LUZP2: variants seen among roughly 807,000 people sequenced by gnomAD.
The protein encoded by LUZP2 is leucine zipper protein 2.
A neutral mutation model predicts 51.6 loss-of-function variants in LUZP2; 52 were observed. The observed-to-expected ratio is 1.01, with a 90% confidence interval of 0.81 to 1.27. The LOEUF (loss-of-function observed/expected upper bound fraction) is 1.27. LUZP2 is among the 50% of genes most tolerant of loss of function. LUZP2 has a pLI of 0.00. For synonymous variants in LUZP2, 154 were observed against 137.3 expected (o/e 1.12, Z -0.85); for missense variants, 436 against 395.4 (o/e 1.10, Z -0.87).
At chr11:24,601,980 A>ATATATG (rs1853674779) in intron 1 of LUZP2, among the ~76,000 whole-genome samples, 3 of 64,702 alleles carry the variant, frequency 4.6e-5, no homozygotes, top group African/African-American at 1.6e-4. Flanking sequence ...GTGTATATGT[A>ATATATG]TATATATGTG....
intron 4 of LUZP2, among the ~76,000 whole-genome samples, chr11:24,757,169 A>C (rs1055957712): frequency 6.6e-6 from 1 of 152,172 alleles, no homozygotes; most frequent in South Asian, 2.1e-4. Context: ...ATTTTAAACT[A>C]TTAGTATATA....
chr11:24,830,985 C>T (rs1422772572), intron 5 of LUZP2, among the ~76,000 whole-genome samples: 3 of 149,742 alleles, frequency 2.0e-5, no homozygotes, highest in Non-Finnish European at 4.4e-5. Flanking sequence ...CAGAGAGAGA[C>T]TCCCTCTCAA....
At chr11:24,864,025 G>A (rs768426696) in intron 5 of LUZP2, among the ~76,000 whole-genome samples, 1 of 152,116 alleles carries the variant, frequency 6.6e-6, no homozygotes. Flanking sequence ...GGGTAACTTA[G>A]AGGGTGCTGA....
intron 1 of LUZP2, among the ~76,000 whole-genome samples, chr11:24,619,005 ATTATTTAT>A (rs66554611): frequency 0.026 from 3,813 of 144,000 alleles, 58 homozygotes; most frequent in South Asian, 0.038. Flanking sequence ...ACCACTTAGC[ATTATTTAT>A]TTATTTATTT....
chr11:24,779,905 G>A (rs1349308259), intron 5 of LUZP2, among the ~76,000 whole-genome samples: 1 of 152,068 alleles, frequency 6.6e-6, no homozygotes, highest in Non-Finnish European at 1.5e-5. Flanking sequence ...TTGATAATGG[G>A]AGGGATGTGA....
In LUZP2 at chr11:25,079,824, A is replaced by G. The variant is rs1475970915; in HGVS notation, c.*1166A>G. The G allele has an allele frequency of 6.6e-6, 1 of 152,194 alleles. No individual in the cohort carries two copies. Among genetic ancestry groups the G allele is most frequent in the Non-Finnish European group, 1.5e-5 (1 of 68,022 alleles). 9.4% of individuals were successfully genotyped at this position (152,194 alleles called of 1,614,324 possible). ...GAACCTTTTTGCAACCGTAGAAAGC[A>G]TATTAAACCATTGGTTTTGCAGGAT... On this transcript the variant is annotated 3_prime_UTR_variant, in exon 12 of 12. Transcript: ENST00000336930.
At chr11:24,847,229 T>C (rs1851229206) in intron 5 of LUZP2, among the ~76,000 whole-genome samples, 1 of 151,358 alleles carries the variant, frequency 6.6e-6, no homozygotes, top group South Asian at 2.1e-4. Flanking sequence ...AGGTCCCATT[T>C]ACAGTTCACT....
At chr11:24,800,465 A>G (rs1283618265) in intron 5 of LUZP2, among the ~76,000 whole-genome samples, 5 of 151,688 alleles carry the variant, frequency 3.3e-5, no homozygotes, top group Admixed American at 3.3e-4. Context: ...TGAATTCCCT[A>G]TATAAGCATG....
intron 5 of LUZP2, among the ~76,000 whole-genome samples, chr11:24,842,672 C>T (rs1388958560): frequency 6.6e-6 from 1 of 151,846 alleles, no homozygotes; most frequent in East Asian, 1.9e-4. Flanking sequence ...TTCTAAATTA[C>T]TCTTTGGTCA....
intron 1 of LUZP2, among the ~76,000 whole-genome samples, chr11:24,589,647 G>C (rs765286573): frequency 7.2e-5 from 11 of 152,090 alleles, no homozygotes; most frequent in African/African-American, 1.2e-4. Context: ...TTTTTTTAAG[G>C]AATTCTTTGA....
At chr11:24,532,122 CT>C (rs1485962143) in intron 1 of LUZP2, among the ~76,000 whole-genome samples, 1 of 150,652 alleles carries the variant, frequency 6.6e-6, no homozygotes. Flanking sequence ...TATTTTGCCA[CT>C]TTTTTAAATT....
chr11:24,523,150 T>C (rs940157798), intron 1 of LUZP2, among the ~76,000 whole-genome samples: 3 of 152,058 alleles, frequency 2.0e-5, no homozygotes, highest in African/African-American at 7.2e-5. Context: ...TTCTGGAATG[T>C]GCTTTTATTA....
intron 5 of LUZP2, among the ~76,000 whole-genome samples, chr11:24,861,732 C>T (rs965004757): frequency 3.9e-5 from 6 of 152,206 alleles, no homozygotes; most frequent in Non-Finnish European, 8.8e-5. Context: ...AAGCCTGGAG[C>T]AAACACAGTT....
At chr11:24,896,339 G>C in intron 5 of LUZP2, among the ~76,000 whole-genome samples, 1 of 152,274 alleles carries the variant, frequency 6.6e-6, no homozygotes, top group East Asian at 1.9e-4. Context: ...GGGCCACAGT[G>C]AGTTCTGGGT....
At chr11:24,702,004 G>T (rs1439543428) in intron 1 of LUZP2, among the ~76,000 whole-genome samples, 1 of 152,110 alleles carries the variant, frequency 6.6e-6, no homozygotes, top group African/African-American at 2.4e-5. Context: ...CTTGACCATG[G>T]CTCTCCCAGT....
intron 9 of LUZP2, among the ~76,000 whole-genome samples, chr11:25,047,955 A>T (rs1858369227): frequency 2.1e-5 from 3 of 139,878 alleles, no homozygotes; most frequent in African/African-American, 7.9e-5. Context: ...ATTAGCTAGG[A>T]TTATAGGTGT....
chr11:24,996,842 C>G (rs1856517491), intron 9 of LUZP2, among the ~76,000 whole-genome samples: 1 of 151,798 alleles, frequency 6.6e-6, no homozygotes, highest in Non-Finnish European at 1.5e-5. Flanking sequence ...TTGTTTAATT[C>G]CCATCTATCA....
intron 5 of LUZP2, among the ~76,000 whole-genome samples, chr11:24,900,477 G>A (rs1257338119): frequency 6.6e-6 from 1 of 152,132 alleles, no homozygotes; most frequent in Non-Finnish European, 1.5e-5. Context: ...AAAGACATAA[G>A]GGAACATCCC....
intron 1 of LUZP2, among the ~76,000 whole-genome samples, chr11:24,623,864 T>C (rs1854588794): frequency 6.6e-6 from 1 of 152,048 alleles, no homozygotes; most frequent in African/African-American, 2.4e-5. Context: ...AAAGAAAATG[T>C]CGAAACACTA....
Sources: gnomAD v4.1 joint callset for allele counts (sites outside exome capture counted in the v4.1 genomes callset) on GRCh38, gnomAD v4.1.1 for gene constraint, MANE v1.5 for transcripts, NCBI Gene and HGNC (gene_info 2026-07-23, HGNC 2026-07-21) for gene names.